Variants in C5 observed in about 807,000 individuals in gnomAD.
The protein encoded by C5 is C3 and PZP-like alpha-2-macroglobulin domain-containing protein 4.
Under a neutral mutation model 218.8 loss-of-function variants are expected in C5, and 140 were observed. The ratio of observed to expected loss-of-function variants is 0.64; its 90% CI spans 0.56 to 0.74. The LOEUF is 0.74. C5 is among the 30% of genes least tolerant of loss of function. C5 has a pLI of 0.00. For missense variants in C5, 1,700 were observed against 1,969.6 expected (o/e 0.86, Z 2.59); for synonymous variants, 614 against 682.3 (o/e 0.90, Z 1.56).
At chr9:121,063,981 T>C in the C5 span, among the ~76,000 whole-genome samples, 2 of 152,196 alleles carry the variant, frequency 1.3e-5, no homozygotes, top group Non-Finnish European at 2.9e-5. Context: ...TTAATGAATC[T>C]TGAGATATTT....
rs1239480347 is a variant in C5, at chr9:121,018,738, AAGGAAAGGAAGG to A, written c.1507-898_1507-887del. On this transcript the variant is annotated intron_variant, in intron 12 of 40. Coordinates refer to ENST00000223642, the MANE Select transcript of C5 (RefSeq NM_001735.3). ...GAAAGAAAGAAAGAAGGAAGGAAGG[AAGGAAAGGAAGG>A]AAGGAAGGAAGGAAGGAAGGAAGGA... is the stretch of plus-strand genomic sequence containing the variant. Among the ~76,000 whole-genome samples, 932 of 99,386 alleles carry A rather than the reference AAGGAAAGGAAGG, an allele frequency of 9.4e-3. 27 individuals carry two copies. The highest frequency in any genetic ancestry group is 0.024 in the African/African-American group (645 of 26,588). The allele number at this position is 99,386 out of a possible 152,430, so 65.2% of individuals were successfully genotyped here.
At chr9:121,050,602 C>T (rs1271227173), upstream of C5, among the ~76,000 whole-genome samples, 1 of 152,192 alleles carries the variant, frequency 6.6e-6, no homozygotes, top group Non-Finnish European at 1.5e-5. Context: ...GCATCATCTG[C>T]AAGCATACAT....
At position 120,980,204 on chromosome 9, in the gene C5, T is replaced by C. The variant is rs768268105; in HGVS notation, c.3537A>G (p.Thr1179=). 35 of 1,613,990 alleles carry C rather than the reference T, an allele frequency of 2.2e-5. No individual in the cohort carries two copies. The highest frequency in any genetic ancestry group is 6.8e-6 in the Non-Finnish European group (8 of 1,180,010). ...ATGTAAAGGTGCTCTGGGCTGGCAG[T>C]GTATTTTCAAGCAGAAAGTTGTCAG... ...IKADNFLLEN[T]LPAQSTFTLA... Residue 1179 remains threonine, a synonymous_variant, in exon 28 of 41, where the codon ACA becomes ACG. Coordinates refer to ENST00000223642, the MANE Select transcript of C5 (RefSeq NM_001735.3).
chr9:120,972,845 G>T (rs1202775325), intron 30 of C5, among the ~76,000 whole-genome samples: 2 of 152,136 alleles, frequency 1.3e-5, no homozygotes, highest in South Asian at 2.1e-4. Flanking sequence ...GTAAATGTAG[G>T]AAAGTAGGTC....
upstream of C5, among the ~76,000 whole-genome samples, chr9:121,050,878 G>A (rs1399468544): frequency 6.6e-6 from 1 of 152,122 alleles, no homozygotes; most frequent in Non-Finnish European, 1.5e-5. Context: ...CCATGTGGAG[G>A]ATGCTGTCGT....
upstream of C5, chr9:121,050,360 GA>G: frequency 1.1e-6 from 1 of 892,734 alleles, no homozygotes; most frequent in Non-Finnish European, 1.9e-6. Flanking sequence ...TCAGAAAGGT[GA>G]ACCTCTAAGT....
intron 20 of C5, chr9:120,999,933 C>A (rs1334442829): frequency 2.2e-6 from 1 of 447,342 alleles, no homozygotes; most frequent in East Asian, 7.4e-5. Context: ...GTGGTGTGTG[C>A]CTGTAATCCC....
At chr9:120,985,993 A>T (rs2047029944) in intron 25 of C5, among the ~76,000 whole-genome samples, 1 of 152,176 alleles carries the variant, frequency 6.6e-6, no homozygotes, top group Non-Finnish European at 1.5e-5. Flanking sequence ...AGACATGCTG[A>T]CCTGTACGTA....
intron 4 of C5, among the ~76,000 whole-genome samples, chr9:121,035,638 T>C (rs2047517848): frequency 6.6e-6 from 1 of 151,620 alleles, no homozygotes; most frequent in Non-Finnish European, 1.5e-5. Context: ...GGTGTGATCA[T>C]AGCTCACTGC....
At chr9:120,953,341 G>C (rs2046760475) in intron 40 of C5, among the ~76,000 whole-genome samples, 1 of 152,192 alleles carries the variant, frequency 6.6e-6, no homozygotes, top group Non-Finnish European at 1.5e-5. Flanking sequence ...GAATTGTAAA[G>C]CTGCCTGGGG....
intron 33 of C5, among the ~76,000 whole-genome samples, chr9:120,964,127 A>C (rs141681024): frequency 3.2e-4 from 49 of 152,368 alleles, no homozygotes; most frequent in African/African-American, 1.1e-3. Flanking sequence ...TTCCAAGGAA[A>C]AAATCAGTTG....
chr9:121,068,825 T>C, the C5 span, among the ~76,000 whole-genome samples: 5 of 152,288 alleles, frequency 3.3e-5, no homozygotes, highest in African/African-American at 1.2e-4. Context: ...AATTAATCCA[T>C]GGATCTACAG....
chr9:121,039,826 T>C (rs1587997337), intron 3 of C5, among the ~76,000 whole-genome samples: 1 of 152,058 alleles, frequency 6.6e-6, no homozygotes, highest in East Asian at 2.0e-4. Flanking sequence ...TTTTTTGTAT[T>C]AGCTCACATC....
chr9:120,979,165 C>T, intron 28 of C5, among the ~76,000 whole-genome samples: 1 of 152,320 alleles, frequency 6.6e-6, no homozygotes, highest in Non-Finnish European at 1.5e-5. Flanking sequence ...CACTGGCCTC[C>T]TTGCCATTCT....
At chr9:120,969,003 T>C in intron 33 of C5, 58 bp downstream of exon 33, 4 of 1,392,198 alleles carry the variant, frequency 2.9e-6, no homozygotes, top group South Asian at 2.3e-5. Context: ...AAAGAAACAA[T>C]ACGTTAACAA....
At chr9:121,065,095 A>C in the C5 span, among the ~76,000 whole-genome samples, 2 of 151,992 alleles carry the variant, frequency 1.3e-5, no homozygotes, top group African/African-American at 4.8e-5. Context: ...ATATATATGA[A>C]AGTATAAAGT....
chr9:121,031,844 T>G (rs2047477436), intron 6 of C5, among the ~76,000 whole-genome samples: 1 of 152,140 alleles, frequency 6.6e-6, no homozygotes, highest in Non-Finnish European at 1.5e-5. Flanking sequence ...GGTGGGTGGA[T>G]CACGAGGTCA....
chr9:120,993,541 G>A (rs1390598583), intron 22 of C5, among the ~76,000 whole-genome samples: 2 of 152,126 alleles, frequency 1.3e-5, no homozygotes, highest in African/African-American at 2.4e-5. Context: ...TCCTGCCTCA[G>A]CCTCCCGAGT....
chr9:121,022,453 T>C (rs985178344), intron 10 of C5, among the ~76,000 whole-genome samples: 1 of 148,604 alleles, frequency 6.7e-6, no homozygotes, highest in African/African-American at 2.4e-5. Flanking sequence ...CATTATATGA[T>C]ACTTTGTTAT....
Sources: gnomAD v4.1 joint callset for allele counts (sites outside exome capture counted in the v4.1 genomes callset) on GRCh38, gnomAD v4.1.1 for gene constraint, MANE v1.5 for transcripts, NCBI Gene and HGNC (gene_info 2026-07-23, HGNC 2026-07-21) for gene names.